The following C16orf89 variants were observed in gnomAD, a reference collection of about 807,000 sequenced individuals.
The protein encoded by C16orf89 is chromosome 16 open reading frame 89.
A neutral mutation model predicts 41.5 loss-of-function variants in C16orf89; 57 were observed. The observed-to-expected ratio is 1.38, with a 90% CI of 1.11 to 1.71. The LOEUF (loss-of-function observed/expected upper bound fraction) is 1.71, where lower values mean the gene tolerates loss of function less well. Ranked by LOEUF, C16orf89 falls within the 40% of genes most tolerant of loss-of-function variation. The probability of loss-of-function intolerance (pLI) is 0.00; values close to 1 mark genes in which losing one functional copy is unlikely to be tolerated. For missense variants in C16orf89, 575 were observed against 445.9 expected, an observed-to-expected ratio of 1.29 and a Z score of -2.61; for synonymous variants, 223 against 190.6, an observed-to-expected ratio of 1.17 and a Z score of -1.40.
chr16:5,047,421 G>A (rs888045491), intron 7 of C16orf89, among the ~76,000 whole-genome samples: 1 of 151,516 alleles, frequency 6.6e-6, no homozygotes, highest in Non-Finnish European at 1.5e-5. Context: ...TCTCTTTTAT[G>A]CTCCTTTAAC....
intron 6 of C16orf89, among the ~76,000 whole-genome samples, chr16:5,052,960 T>C (rs1038911784): frequency 2.0e-5 from 3 of 152,188 alleles, no homozygotes; most frequent in Admixed American, 2.0e-4. Flanking sequence ...ATAACCAAAT[T>C]CTTTCATTCA....
At chr16:5,045,174 A>G (rs1416239182) in intron 7 of C16orf89, among the ~76,000 whole-genome samples, 2 of 152,208 alleles carry the variant, frequency 1.3e-5, no homozygotes, top group East Asian at 3.9e-4. Flanking sequence ...ACGTACCTCA[A>G]TAAACCCACG....
intron 1 of C16orf89, among the ~76,000 whole-genome samples, chr16:5,064,773 C>T (rs1409533493): frequency 6.6e-6 from 1 of 152,196 alleles, no homozygotes; most frequent in African/African-American, 2.4e-5. Flanking sequence ...CTCACTGCAG[C>T]TGCCAAGGAG....
intron 6 of C16orf89, among the ~76,000 whole-genome samples, 160 bp from the exon 7 acceptor site, chr16:5,048,124 C>A (rs1022135083): frequency 3.9e-5 from 6 of 152,152 alleles, no homozygotes; most frequent in African/African-American, 1.4e-4. Flanking sequence ...AACTCCCAAG[C>A]TCACAGAATC....
In C16orf89 at chr16:5,056,049, A is replaced by G. The variant is rs77055786; in HGVS notation, c.763+4T>C. The G allele has an allele frequency of 0.11, 175,768 of 1,556,362 alleles. 12,924 individuals carry two copies. The highest frequency in any genetic ancestry group is 0.13 in the Non-Finnish European group (148,649 of 1,130,690). ...TTGCCCCGGGGGCAGAATGCTGGCC[A>G]TACTGTTTTCCATGAAGATGTCCCG... is the stretch of plus-strand genomic sequence containing the variant. On this transcript the variant is annotated splice_donor_region_variant and intron_variant, in intron 5 of 7. Coordinates refer to ENST00000472572, the MANE Select transcript of C16orf89 (RefSeq NM_001098514.3).
Position 5,047,895 on chromosome 16 carries a change from C to G in C16orf89, c.938G>C (p.Arg313Pro), listed in dbSNP as rs532111292. ...QQHFSRRVKR[R>P]EKQFPDGCSS... is the part of the protein sequence containing the mutation. ...TTCATTACCTGGAAATTGTTTTTCTCGCCTCTTCACTCTCCTCGAAAAATG... is the reference window on the plus strand; with the variant it reads ...TTCATTACCTGGAAATTGTTTTTCTGGCCTCTTCACTCTCCTCGAAAAATG... Residue 313 changes from arginine to proline, a missense_variant, in exon 7 of 8, where the codon CGA becomes CCA. Arg to Pro is a moderately radical substitution (Grantham distance 103). Transcript: ENST00000472572. 1.3e-6 allele frequency: 2 copies of G among 1,589,882 alleles called. No individual in the cohort carries two copies. The highest frequency in any genetic ancestry group is 2.7e-5 in the African/African-American group (2 of 74,466).
chr16:5,048,515 A>C (rs1213417631), intron 6 of C16orf89, among the ~76,000 whole-genome samples: 1 of 152,168 alleles, frequency 6.6e-6, no homozygotes, highest in Non-Finnish European at 1.5e-5. Context: ...TGGCTCCCCA[A>C]ACACCCACCA....
At chr16:5,065,623 G>A in intron 1 of C16orf89, 78 bp downstream of exon 1, 1 of 1,457,216 alleles carries the variant, frequency 6.9e-7, no homozygotes, top group Admixed American at 1.8e-5. Flanking sequence ...CCAGGTCCCA[G>A]GCGTACAGAG....
rs559938209 is a variant in C16orf89, at chr16:5,060,350, C to T, written c.445G>A (p.Gly149Arg). The change falls in exon 3 of 8, where the codon GGG becomes AGG. Residue 149 changes from glycine (G) to arginine (R), a missense_variant. Transcript: ENST00000472572. ...TCCTCTGAGAATGAGTCCTGGGGCC[C>T]GAACGTGGGGTACACCAAGGAGGCA... ...TDASLVYPTF[G>R]PQDSFSEERS... 241 of 1,613,538 alleles carry T rather than the reference C, an allele frequency of 1.5e-4. 11 individuals are homozygous for T. The East Asian group carries it at 3.0e-3, about 20-fold the overall frequency.
intron 7 of C16orf89, among the ~76,000 whole-genome samples, chr16:5,045,830 T>G (rs1956285860): frequency 6.6e-6 from 1 of 152,158 alleles, no homozygotes; most frequent in Admixed American, 6.6e-5. Flanking sequence ...TCCTGCTCCG[T>G]GGGCTTGTGT....
Position 5,051,626 on chromosome 16 carries a change from C to A in C16orf89, c.868+3620G>T, listed in dbSNP as rs1007084957. ...AATATTGTGAAAAATATCCATGCTA[C>A]CGAAGTGATCTACAGATTGAATCAA... is the stretch of plus-strand genomic sequence containing the variant. On this transcript the variant is annotated intron_variant, in intron 6 of 7. Transcript: ENST00000472572. 3.0e-4 allele frequency among the ~76,000 whole-genome samples: 45 copies of A among 152,046 alleles called. 1 individual carries two copies. Among genetic ancestry groups the A allele is most frequent in the African/African-American group, 1.1e-3 (44 of 41,408 alleles).
At chr16:5,061,157 G>A (rs1160669905) in intron 2 of C16orf89, among the ~76,000 whole-genome samples, 3 of 149,970 alleles carry the variant, frequency 2.0e-5, no homozygotes, top group African/African-American at 7.4e-5. Flanking sequence ...AGCTACTCAG[G>A]AGGCTGAGGC....
At chr16:5,060,226 G>A in intron 3 of C16orf89, 60 bp downstream of exon 3, 1 of 1,533,688 alleles carries the variant, frequency 6.5e-7, no homozygotes. Context: ...GAGCGGGACA[G>A]GACCAGCTGA....
chr16:5,062,408 A>T lies in C16orf89; in HGVS notation c.358+17T>A. On this transcript the variant is annotated intron_variant, in intron 2 of 7. Coordinates refer to ENST00000472572, the MANE Select transcript of C16orf89 (RefSeq NM_001098514.3). Reference sequence around the variant, plus strand: ...GGCGCTATTCCTGAGGGAATGGGACACCCTGCGTGTGCTCACCTCTTAGGT... The same window carrying T: ...GGCGCTATTCCTGAGGGAATGGGACTCCCTGCGTGTGCTCACCTCTTAGGT... The T allele has an allele frequency of 1.3e-6, 2 of 1,597,680 alleles. No homozygotes were observed. Among genetic ancestry groups the T allele is most frequent in the Non-Finnish European group, 1.7e-6 (2 of 1,172,022 alleles).
At position 5,044,369 on chromosome 16, in the gene C16orf89, C is replaced by T. The variant is rs1488375368; in HGVS notation, c.1065G>A (p.Pro355=). The change falls in exon 8 of 8, where the codon CCG becomes CCA. Residue 355 remains proline (P), a synonymous_variant. Transcript: ENST00000472572. ...CGTCTCAGCGGCTGCTTGGTGGTGG[C>T]GGTGTGGATGGGTGTGGCTCTCTGT... is the stretch of plus-strand genomic sequence containing the variant. The part of the protein sequence containing the change: ...PANREPHPST[P]PPPSSR The T allele has an allele frequency of 6.8e-6, 11 of 1,608,014 alleles. No individual in the cohort carries two copies. Among genetic ancestry groups the T allele is most frequent in the Admixed American group, 5.1e-5 (3 of 59,266 alleles).
rs1252581046 is a variant in C16orf89, at chr16:5,044,433, C to T, written c.1001G>A (p.Gly334Asp). 7 of 1,612,858 alleles carry T rather than the reference C, an allele frequency of 4.3e-6. No individual in the cohort carries two copies. The highest frequency in any genetic ancestry group is 4.2e-6 in the Non-Finnish European group (5 of 1,179,632). Residue 334 changes from glycine to aspartate, a missense_variant, in exon 8 of 8, where the codon GGT becomes GAT. By Grantham distance (94) the Gly-to-Asp change is moderately conservative (BLOSUM62 -1). Coordinates refer to ENST00000472572, the MANE Select transcript of C16orf89 (RefSeq NM_001098514.3). The stretch of plus-strand genomic sequence containing the variant: ...TTCTGCCAGGATGTATAGGAAGCCA[C>T]CCAGGGCTGCCACTGCTGTGGCTGT... ...HNTATAVAALGGFLYILAEYP... is the reference protein window; with the variant it reads ...HNTATAVAALDGFLYILAEYP...
chr16:5,065,707 G>C lies in C16orf89; in HGVS notation c.202C>G (p.Leu68Val), dbSNP rs1168097383. ...NLDGMVGVRV[L>V]EEQLKSVREK... ...GGAATTGGGGCTCACTCACCTTCCAGCACTCGGACCCCCACCATGCCATCC... is the reference window on the plus strand; with the variant it reads ...GGAATTGGGGCTCACTCACCTTCCACCACTCGGACCCCCACCATGCCATCC... Residue 68 changes from leucine (L) to valine (V), a missense_variant, in exon 1 of 8, where the codon CTG (leucine) becomes GTG (valine). Leu to Val is a conservative substitution (Grantham distance 32). Transcript: ENST00000472572. The C allele has an allele frequency of 1.9e-6, 3 of 1,612,708 alleles. No individual in the cohort carries two copies. The highest frequency in any genetic ancestry group is 1.3e-5 in the African/African-American group (1 of 74,998).
chr16:5,050,324 C>T (rs770195310), intron 6 of C16orf89, among the ~76,000 whole-genome samples: 11 of 151,556 alleles, frequency 7.3e-5, no homozygotes, highest in South Asian at 4.2e-4. Context: ...GCTGAGATTG[C>T]GCCACTGCAC....
rs369429066 is a variant in C16orf89 at position 5,056,027 on chromosome 16, C to T, written c.763+26G>A. The T allele has an allele frequency of 1.3e-4, 208 of 1,556,354 alleles. No individual in the cohort carries two copies. In the African/African-American group the frequency reaches 2.5e-3, roughly 19 times the overall value. Reference sequence around the variant, plus strand: ...GGTGGGGGGACACCCTGTTCCTTTGCCCCGGGGGCAGAATGCTGGCCATAC... The same window carrying T: ...GGTGGGGGGACACCCTGTTCCTTTGTCCCGGGGGCAGAATGCTGGCCATAC... On this transcript the variant is annotated intron_variant, in intron 5 of 7. Transcript: ENST00000472572.
Sources: allele counts gnomAD v4.1 joint callset (sites outside exome capture counted in the v4.1 genomes callset), GRCh38; gene constraint gnomAD v4.1.1; transcripts MANE v1.5; gene names NCBI Gene and HGNC (gene_info 2026-07-23, HGNC 2026-07-21).